ARHGEF7: variants seen among roughly 807,000 people sequenced by gnomAD.
ARHGEF7 encodes PAK-interacting exchange factor beta.
ARHGEF7 carries 33 observed loss-of-function variants against 109.8 expected under a neutral mutation model. That is an observed-to-expected ratio of 0.30 (90% CI 0.23 to 0.40). ARHGEF7 has a LOEUF of 0.40. ARHGEF7 is among the 10% of genes least tolerant of loss of function. The probability of loss-of-function intolerance (pLI) is 1.00; values close to 1 mark genes in which losing one functional copy is unlikely to be tolerated. For missense variants in ARHGEF7, 938 were observed against 1,098.5 expected, an observed-to-expected ratio of 0.85 and a Z score of 2.07; for synonymous variants, 458 against 424.6, an observed-to-expected ratio of 1.08 and a Z score of -0.97.
Position 111,283,374 on chromosome 13 carries a change from T to C in ARHGEF7, c.1950+11T>C. On this transcript the variant is annotated intron_variant, in intron 16 of 21. Transcript: ENST00000646102. ...CTCTGCTACAAGGAGGTGAGGTCCC[T>C]TGACCACTCAAACAGCCAGATGACG... 1 of 1,539,644 alleles carries C rather than the reference T, an allele frequency of 6.5e-7. No homozygotes were observed. Among genetic ancestry groups the C allele is most frequent in the South Asian group, 1.2e-5 (1 of 84,046 alleles).
Position 111,239,633 on chromosome 13 carries a change from T to C in ARHGEF7, c.760-4239T>C, listed in dbSNP as rs2087420256. 6.6e-6 allele frequency among the ~76,000 whole-genome samples: 1 copy of C among 151,808 alleles called. No homozygotes were observed. Among genetic ancestry groups the C allele is most frequent in the Admixed American group, 6.6e-5 (1 of 15,236 alleles). On this transcript the variant is annotated intron_variant, in intron 6 of 21. Transcript: ENST00000646102. The surrounding 1 kb of genome is among the most constrained non-coding windows in gnomAD (Gnocchi z 4.3). ...TCCTGAAGTCTCTGCTTGGGGCCCG[T>C]AGGTGGAGATGGTTAATGATGAGGG...
chr13:111,280,890 T>C, intron 15 of ARHGEF7: 1 of 528,298 alleles, frequency 1.9e-6, no homozygotes, highest in Non-Finnish European at 3.2e-6. Flanking sequence ...CCCTGAATTG[T>C]GCCTCCTCAC....
In ARHGEF7 at chr13:111,147,690, C is replaced by CTTT. The variant is rs11463808; in HGVS notation, c.166-6192_166-6190dup. ...TTCACCCTTCCAACTCAGAGGTCAC[C>CTTT]TTTTTTTTTTTTTTTTTTTTTTTTT... is the stretch of plus-strand genomic sequence containing the variant. On this transcript the variant is annotated intron_variant, in intron 1 of 21. Coordinates refer to ENST00000646102, the MANE Select transcript of ARHGEF7 (RefSeq NM_001354046.2). 6.3e-3 allele frequency among the ~76,000 whole-genome samples: 518 copies of CTTT among 82,408 alleles called. 2 individuals are homozygous for CTTT. The highest frequency in any genetic ancestry group is 0.016 in the East Asian group (50 of 3,128). 54.1% of individuals were successfully genotyped at this position (82,408 alleles called of 152,430 possible).
rs1566877276 is a variant in ARHGEF7 at position 111,221,579 on chromosome 13, C to CGA, written c.670+3699_670+3700insGA. ...TATATCTATATATATAGATACATAT[C>CGA]TATATATATCTATATATAGATATAT... On this transcript the variant is annotated intron_variant, in intron 5 of 21. Transcript: ENST00000646102. Among the ~76,000 whole-genome samples the CGA allele has an allele frequency of 8.1e-4, 50 of 61,960 alleles. 6 individuals are homozygous for CGA. In the East Asian group the frequency reaches 0.13, roughly 167 times the overall value. 40.6% of individuals were successfully genotyped at this position (61,960 alleles called of 152,430 possible).
intron 2 of ARHGEF7, among the ~76,000 whole-genome samples, chr13:111,175,429 G>T (rs576136917): frequency 7.2e-5 from 11 of 152,222 alleles, no homozygotes; most frequent in African/African-American, 2.4e-4. Context: ...CCTCTCTGGG[G>T]GCCCTCTCAG....
Position 111,153,697 on chromosome 13 carries a change from T to C in ARHGEF7, c.166-208T>C, listed in dbSNP as rs897470912. On this transcript the variant is annotated intron_variant, in intron 1 of 21. Coordinates refer to ENST00000646102, the MANE Select transcript of ARHGEF7 (RefSeq NM_001354046.2). ...TGGTGCGGGAAGGGGCAGAGATTGG[T>C]GCAGCCCCGGAGGAAGAAAAAAGGG... The C allele has an allele frequency of 3.1e-6, 4 of 1,305,534 alleles. No homozygotes were observed. The South Asian group carries it at 8.0e-5, about 26-fold the overall frequency. The allele number at this position is 1,305,534 out of a possible 1,614,324, so 80.9% of individuals were successfully genotyped here.
Position 111,239,268 on chromosome 13 carries a change from T to G in ARHGEF7, c.760-4604T>G, listed in dbSNP as rs2087350092. On this transcript the variant is annotated intron_variant, in intron 6 of 21. Coordinates refer to ENST00000646102, the MANE Select transcript of ARHGEF7 (RefSeq NM_001354046.2). The surrounding 1 kb of genome is among the most constrained non-coding windows in gnomAD (Gnocchi z 4.3). ...CTTTCCCTGTTATTTAGAGCATTAT[T>G]ATAATACTGTGAATATAATGTAATA... Among the ~76,000 whole-genome samples, 1 of 152,220 alleles carries G rather than the reference T, an allele frequency of 6.6e-6. No individual in the cohort carries two copies. Among genetic ancestry groups the G allele is most frequent in the Non-Finnish European group, 1.5e-5 (1 of 68,028 alleles).
At chr13:111,244,026 T>C (rs1284673326) in intron 7 of ARHGEF7, 60 bp downstream of exon 7, 2 of 1,428,430 alleles carry the variant, frequency 1.4e-6, no homozygotes, top group African/African-American at 2.9e-5. Context: ...GCTGTTCTCT[T>C]CTATTTTCAG....
Position 111,280,628 on chromosome 13 carries a change from C to A in ARHGEF7, c.1676C>A (p.Thr559Lys). Residue 559 changes from threonine to lysine, a missense_variant, in exon 15 of 22, where the codon ACG becomes AAG. This residue lies in a region of ARHGEF7 where 585 missense variants were observed against 723.6 expected (regional missense o/e 0.81). Transcript: ENST00000646102. Reference sequence around the variant, plus strand: ...CACCTACAGAAGCAAACGAAGGTCACGTCTGTGGGAAACCCCACCATAAAG... The same window carrying A: ...CACCTACAGAAGCAAACGAAGGTCAAGTCTGTGGGAAACCCCACCATAAAG... ...VEHLQKQTKV[T>K]SVGNPTIKPH... The A allele has an allele frequency of 1.2e-6, 2 of 1,611,512 alleles. No individual in the cohort carries two copies. Among genetic ancestry groups the A allele is most frequent in the Non-Finnish European group, 1.7e-6 (2 of 1,179,102 alleles).
intron 2 of ARHGEF7, among the ~76,000 whole-genome samples, chr13:111,196,513 TC>T (rs2080520652): frequency 6.6e-6 from 1 of 152,150 alleles, no homozygotes; most frequent in Admixed American, 6.5e-5. Context: ...TCTGAAAACT[TC>T]CCCAGGTCTG....
At chr13:111,117,795 C>G (rs926372455) in intron 1 of ARHGEF7, among the ~76,000 whole-genome samples, 1 of 152,110 alleles carries the variant, frequency 6.6e-6, no homozygotes, top group Non-Finnish European at 1.5e-5. Context: ...CTCCGGGCCT[C>G]AAGGGATTGT....
At chr13:111,193,761 A>G (rs998171195) in intron 2 of ARHGEF7, among the ~76,000 whole-genome samples, 3 of 152,194 alleles carry the variant, frequency 2.0e-5, no homozygotes, top group Non-Finnish European at 2.9e-5. Context: ...ATGAACTTCC[A>G]TTGGTATACA....
chr13:111,280,804 T>A, intron 15 of ARHGEF7, 127 bp downstream of exon 15: 1 of 1,093,228 alleles, frequency 9.1e-7, no homozygotes, highest in South Asian at 1.7e-5. Flanking sequence ...AACACTTGCT[T>A]CACATTTCTC....
Position 111,209,943 on chromosome 13 carries a change from G to C in ARHGEF7, c.409G>C (p.Gly137Arg). ...CCGCATAAAGTCTTTTGACTCCCTT[G>C]GATCACAGTCTTTGCACACTCGGAC... ...SHRIKSFDSL[G>R]SQSLHTRTSK... The change falls in exon 4 of 22, where the codon GGA (glycine) becomes CGA (arginine). Residue 137 changes from glycine to arginine, a missense_variant. Gly to Arg is a moderately radical substitution (Grantham distance 125, BLOSUM62 -2). Around this residue, in one of 4 missense-constraint regions of ARHGEF7, gnomAD observed 585 missense variants for 723.6 expected, o/e 0.81. Transcript: ENST00000646102. The C allele has an allele frequency of 6.2e-7, 1 of 1,614,162 alleles. No individual in the cohort carries two copies. Among genetic ancestry groups the C allele is most frequent in the Non-Finnish European group, 8.5e-7 (1 of 1,180,026 alleles).
At chr13:111,301,937 G>A (rs1372346474) in intron 21 of ARHGEF7, among the ~76,000 whole-genome samples, 1 of 152,086 alleles carries the variant, frequency 6.6e-6, no homozygotes, top group Non-Finnish European at 1.5e-5. Context: ...AAACTAAAAG[G>A]AGGTCATGTC....
At chr13:111,211,377 C>T (rs2082470605) in intron 4 of ARHGEF7, among the ~76,000 whole-genome samples, 1 of 152,104 alleles carries the variant, frequency 6.6e-6, no homozygotes, top group African/African-American at 2.4e-5. Flanking sequence ...CTCACCCGTT[C>T]ACTGGTGGCA....
At chr13:111,225,452 G>A (rs529130956) in intron 5 of ARHGEF7, among the ~76,000 whole-genome samples, 1 of 151,696 alleles carries the variant, frequency 6.6e-6, no homozygotes, top group Non-Finnish European at 1.5e-5. Context: ...AGTATGCAGA[G>A]ACTTCTCTGC....
At chr13:111,140,644 G>A (rs2075302452) in intron 1 of ARHGEF7, among the ~76,000 whole-genome samples, 1 of 152,138 alleles carries the variant, frequency 6.6e-6, no homozygotes, top group South Asian at 2.1e-4. Context: ...GTACCTGCTT[G>A]GCCATTCGAA....
intron 1 of ARHGEF7, chr13:111,116,213 T>C (rs2066764520): frequency 6.5e-6 from 1 of 152,724 alleles, no homozygotes; most frequent in South Asian, 2.1e-4. Context: ...AACGATCTAC[T>C]ACTTTCCCCT....
Sources: allele counts gnomAD v4.1 joint callset (sites outside exome capture counted in the v4.1 genomes callset), GRCh38; gene constraint gnomAD v4.1.1; regional missense constraint gnomAD v4.1.1; non-coding constraint Gnocchi (gnomAD v3.1); transcripts MANE v1.5; gene names NCBI Gene and HGNC (gene_info 2026-07-23, HGNC 2026-07-21).